ALMS1: variants seen among roughly 807,000 people sequenced by gnomAD.
ALMS1 encodes the protein centrosome-associated protein ALMS1.
In ALMS1, 271 loss-of-function variants were observed where a neutral mutation model predicts 352.2. The observed-to-expected ratio is 0.77, with a 90% confidence interval of 0.70 to 0.85. The LOEUF (loss-of-function observed/expected upper bound fraction) is 0.85, where lower values mean the gene tolerates loss of function less well. ALMS1 is among the 40% of genes least tolerant of loss of function. The pLI is 0.00. For synonymous variants in ALMS1, 1,865 were observed against 1,761.2 expected, an observed-to-expected ratio of 1.06 and a Z score of -1.48; for missense variants, 5,445 against 4,870.7, an observed-to-expected ratio of 1.12 and a Z score of -3.51.
At chr2:73,418,485 C>T (rs1358551419) in intron 2 of ALMS1, among the ~76,000 whole-genome samples, 1 of 152,220 alleles carries the variant, frequency 6.6e-6, no homozygotes, top group African/African-American at 2.4e-5. Context: ...GCATCGCCGC[C>T]ACGAAGAAAG....
At chr2:73,520,114 TTTTAA>T in intron 11 of ALMS1, 98 bp downstream of exon 11, 1 of 1,505,476 alleles carries the variant, frequency 6.6e-7, no homozygotes, top group Non-Finnish European at 9.2e-7. Flanking sequence ...GAAAACCTAA[TTTTAA>T]TTTAAGAATT....
chr2:73,452,964 A>G lies in ALMS1; in HGVS notation c.6437A>G (p.Glu2146Gly), dbSNP rs1428696290. The G allele has an allele frequency of 6.2e-7, 1 of 1,612,680 alleles. No homozygotes were observed. Among genetic ancestry groups the G allele is most frequent in the Admixed American group, 1.7e-5 (1 of 59,912 alleles). The change falls in exon 8 of 23, where the codon GAG becomes GGG. Residue 2146 changes from glutamate (E) to glycine (G), a missense_variant. Transcript: ENST00000613296. Reference sequence around the variant, plus strand: ...CTTCCTAGTTCCTTTTCACATCGAGAGAAACCAGATATTTTCTATCAAAAG... The same window carrying G: ...CTTCCTAGTTCCTTTTCACATCGAGGGAAACCAGATATTTTCTATCAAAAG... ...TALPSSFSHREKPDIFYQKDL... is the reference protein window; with the variant it reads ...TALPSSFSHRGKPDIFYQKDL...
At chr2:73,446,149 C>G (rs551962104) in intron 7 of ALMS1, among the ~76,000 whole-genome samples, 2 of 152,198 alleles carry the variant, frequency 1.3e-5, no homozygotes, top group African/African-American at 4.8e-5. Flanking sequence ...AGTCGTTCTT[C>G]CAGTTTTCTT....
intron 15 of ALMS1, among the ~76,000 whole-genome samples, chr2:73,569,813 A>G (rs918716117): frequency 2.6e-5 from 4 of 152,240 alleles, no homozygotes; most frequent in Non-Finnish European, 4.4e-5. Context: ...AGTTATCAGG[A>G]AGAGTGGTAC....
At chr2:73,521,568 C>T (rs1673676788) in intron 11 of ALMS1, among the ~76,000 whole-genome samples, 1 of 132,948 alleles carries the variant, frequency 7.5e-6, no homozygotes, top group African/African-American at 3.1e-5. Context: ...AACCCCGTCT[C>T]TACTAAAAAT....
At chr2:73,445,858 C>T (rs150069002) in intron 7 of ALMS1, among the ~76,000 whole-genome samples, 5 of 152,198 alleles carry the variant, frequency 3.3e-5, no homozygotes, top group African/African-American at 7.2e-5. Context: ...GAAAATGAAT[C>T]TCCAAAGATT....
intron 13 of ALMS1, among the ~76,000 whole-genome samples, chr2:73,552,339 G>T (rs1339658070): frequency 6.6e-6 from 1 of 152,190 alleles, no homozygotes; most frequent in African/African-American, 2.4e-5. Context: ...ACAAAATATA[G>T]TTCATAAATG....
chr2:73,585,726 C>CTTT (rs58089734), intron 16 of ALMS1, among the ~76,000 whole-genome samples: 2 of 119,554 alleles, frequency 1.7e-5, no homozygotes, highest in African/African-American at 3.5e-5. Flanking sequence ...ACTTCTTGGC[C>CTTT]TTTTTTTTTT....
At chr2:73,394,760 A>G (rs1343237054) in intron 1 of ALMS1, among the ~76,000 whole-genome samples, 2 of 152,246 alleles carry the variant, frequency 1.3e-5, no homozygotes, top group African/African-American at 4.8e-5. Flanking sequence ...TGTTGTGCAA[A>G]CATCATATAG....
chr2:73,490,551 A>C lies in ALMS1; in HGVS notation c.8592A>C (p.Gly2864=). ...TAAACAGATCGAGTTCCAGACTAGGAGTAAAAGAGAAGAATGTAACTATAA... is the reference window on the plus strand; with the variant it reads ...TAAACAGATCGAGTTCCAGACTAGGCGTAAAAGAGAAGAATGTAACTATAA... The part of the protein sequence containing the change: ...LGVNRSSSRL[G]VKEKNVTITP... The change falls in exon 10 of 23, where the codon GGA becomes GGC. Residue 2864 remains glycine, a synonymous_variant. Transcript: ENST00000613296. 2.5e-6 allele frequency: 4 copies of C among 1,614,206 alleles called. No individual in the cohort carries two copies. Among genetic ancestry groups the C allele is most frequent in the Non-Finnish European group, 3.4e-6 (4 of 1,180,032 alleles).
intron 11 of ALMS1, among the ~76,000 whole-genome samples, chr2:73,529,039 G>GTTTTTTTT (rs34604396): frequency 2.0e-5 from 2 of 99,514 alleles, no homozygotes; most frequent in Non-Finnish European, 4.0e-5. Context: ...CCTCAAAGCA[G>GTTTTTTTT]TTTTTTTTTT....
At chr2:73,531,105 T>A (rs1163753000) in intron 11 of ALMS1, among the ~76,000 whole-genome samples, 1 of 152,264 alleles carries the variant, frequency 6.6e-6, no homozygotes, top group African/African-American at 2.4e-5. Context: ...TTATGCAAAT[T>A]TCTGCAGCCA....
chr2:73,424,571 C>T lies in ALMS1; in HGVS notation c.906C>T (p.Gly302=), dbSNP rs1396666067. 1.9e-6 allele frequency: 3 copies of T among 1,613,860 alleles called. No homozygotes were observed. Among genetic ancestry groups the T allele is most frequent in the Non-Finnish European group, 2.5e-6 (3 of 1,180,012 alleles). The change falls in exon 5 of 23, where the codon GGC becomes GGT. Residue 302 remains glycine, a synonymous_variant. Coordinates refer to ENST00000613296, the MANE Select transcript of ALMS1 (RefSeq NM_001378454.1). ...GTGTATCTCAGCACCCGCTTATAGG[C>T]AGCACAGCTGTTGGGTCTCAGTGCC... ...RFSVSQHPLI[G]STAVGSQCPF...
chr2:73,503,360 G>C (rs11688646), intron 10 of ALMS1, among the ~76,000 whole-genome samples: 4,910 of 151,380 alleles, frequency 0.032, 115 homozygotes, highest in Non-Finnish European at 0.05. Flanking sequence ...TTGGTTTTTT[G>C]TTCTTGCTAT....
At chr2:73,480,322 C>T (rs1379559485) in intron 9 of ALMS1, among the ~76,000 whole-genome samples, 6 of 151,782 alleles carry the variant, frequency 4.0e-5, no homozygotes, top group Admixed American at 2.0e-4. Context: ...TGAGAATATG[C>T]GGTGTTTGCT....
intron 11 of ALMS1, among the ~76,000 whole-genome samples, chr2:73,526,903 G>T (rs1271362342): frequency 6.6e-6 from 1 of 152,122 alleles, no homozygotes; most frequent in Non-Finnish European, 1.5e-5. Flanking sequence ...TACTAGCTGT[G>T]GGTCTGTCAT....
At chr2:73,582,661 A>T (rs1675211666) in intron 16 of ALMS1, among the ~76,000 whole-genome samples, 1 of 152,190 alleles carries the variant, frequency 6.6e-6, no homozygotes, top group East Asian at 1.9e-4. Context: ...TTAGCATAAG[A>T]TCTTAAAGAT....
At position 73,491,164 on chromosome 2, in the gene ALMS1, C is replaced by T. The variant is rs759880099; in HGVS notation, c.9205C>T (p.His3069Tyr). ...LDSGTLDERF[H>Y]SLDAASKARM... ...TAGTGGAACTTTAGATGAAAGATTC[C>T]ATTCATTGGATGCTGCTTCTAAAGC... The change falls in exon 10 of 23, where the codon CAT (histidine) becomes TAT (tyrosine). Residue 3069 changes from histidine to tyrosine, a missense_variant. Coordinates refer to ENST00000613296, the MANE Select transcript of ALMS1 (RefSeq NM_001378454.1). The T allele has an allele frequency of 6.2e-6, 10 of 1,614,018 alleles. No individual in the cohort carries two copies. The highest frequency in any genetic ancestry group is 1.7e-5 in the Admixed American group (1 of 60,002).
rs139861367 is a variant in ALMS1 at position 73,394,538 on chromosome 2, C to T, written c.324+8346C>T. Among the ~76,000 whole-genome samples the T allele has an allele frequency of 6.2e-3, 942 of 151,812 alleles. 30 individuals are homozygous for T. In the East Asian group the frequency reaches 0.084, roughly 14 times the overall value. ...TTTATTTTTGTATTTTTAGTGGAGA[C>T]GGGGTTTCACCATGTTGACCAGGCT... On this transcript the variant is annotated intron_variant, in intron 1 of 22. Transcript: ENST00000613296.
Sources: allele counts gnomAD v4.1 joint callset (sites outside exome capture counted in the v4.1 genomes callset), GRCh38; gene constraint gnomAD v4.1.1; transcripts MANE v1.5; gene names NCBI Gene and HGNC (gene_info 2026-07-23, HGNC 2026-07-21).